Variants in C11orf65 observed in about 807,000 individuals in gnomAD.
C11orf65 encodes the protein chromosome 11 open reading frame 65.
A neutral mutation model predicts 35.3 loss-of-function variants in C11orf65; 38 were observed. The observed-to-expected ratio is 1.08, with a 90% confidence interval of 0.83 to 1.41. The LOEUF (loss-of-function observed/expected upper bound fraction) is 1.41. Ranked by LOEUF, C11orf65 falls within the 40% of genes most tolerant of loss-of-function variation. The pLI is 0.00. For missense variants in C11orf65, 370 were observed against 367.1 expected (o/e 1.01, Z -0.06); for synonymous variants, 105 against 114.4 (o/e 0.92, Z 0.53).
intron 2 of C11orf65, among the ~76,000 whole-genome samples, chr11:108,446,900 G>C (rs944484251): frequency 1.3e-5 from 2 of 152,116 alleles, no homozygotes; most frequent in African/African-American, 4.8e-5. Context: ...CTCATGTGCA[G>C]AGACACACAT....
intron 6 of C11orf65, chr11:108,312,570 G>A (rs2084268901): frequency 2.8e-6 from 3 of 1,066,532 alleles, no homozygotes; most frequent in Admixed American, 1.9e-5. Context: ...TATAGACACT[G>A]TACAGATGCC....
intron 2 of C11orf65, chr11:108,354,765 C>A (rs2089677490): frequency 6.7e-7 from 1 of 1,493,296 alleles, no homozygotes; most frequent in Non-Finnish European, 9.3e-7. Context: ...ACGTTGACAA[C>A]ATTGGTGTGT....
At chr11:108,344,593 A>C (rs1369010996) in intron 2 of C11orf65, among the ~76,000 whole-genome samples, 1 of 152,274 alleles carries the variant, frequency 6.6e-6, no homozygotes, top group South Asian at 2.1e-4. Context: ...TTGAGAATGC[A>C]AACTGGAGGC....
intron 3 of C11orf65, chr11:108,331,676 TGTC>T: frequency 7.3e-7 from 1 of 1,376,140 alleles, no homozygotes; most frequent in South Asian, 1.5e-5. Flanking sequence ...TTGTATTTTT[TGTC>T]TTCTCACATC....
downstream of C11orf65, chr11:108,327,393 C>G (rs534110415): frequency 2.3e-6 from 1 of 429,370 alleles, no homozygotes; most frequent in Non-Finnish European, 4.3e-6. Context: ...TACAAAGTGT[C>G]TGACATATAT....
At chr11:108,468,072 T>TC (rs545018103), upstream of C11orf65, among the ~76,000 whole-genome samples, 155 of 151,980 alleles carry the variant, frequency 1.0e-3, no homozygotes, top group African/African-American at 3.3e-3. Flanking sequence ...GCTCCAGCGA[T>TC]CCCCCCCTAC....
intron 1 of C11orf65, among the ~76,000 whole-genome samples, chr11:108,461,913 G>A (rs956989931): frequency 3.3e-5 from 5 of 151,730 alleles, no homozygotes; most frequent in African/African-American, 9.7e-5. Flanking sequence ...GAGCCACCGC[G>A]CCCAGCCTAA....
intron 2 of C11orf65, among the ~76,000 whole-genome samples, chr11:108,353,091 ATCTTT>A (rs1203603632): frequency 6.6e-6 from 1 of 152,174 alleles, no homozygotes; most frequent in African/African-American, 2.4e-5. Flanking sequence ...ATAAGGGATG[ATCTTT>A]TCTGTATGAT....
At chr11:108,413,813 T>C (rs940076542) in intron 3 of C11orf65, among the ~76,000 whole-genome samples, 2 of 152,040 alleles carry the variant, frequency 1.3e-5, no homozygotes, top group African/African-American at 4.8e-5. Context: ...CACTTCTAAA[T>C]AACAAGTAGG....
At chr11:108,443,020 T>C (rs1345801571) in intron 2 of C11orf65, among the ~76,000 whole-genome samples, 1 of 152,172 alleles carries the variant, frequency 6.6e-6, no homozygotes, top group Non-Finnish European at 1.5e-5. Context: ...AGACACAGAC[T>C]GGCAAATTGG....
downstream of C11orf65, among the ~76,000 whole-genome samples, chr11:108,382,083 C>T (rs966094721): frequency 1.3e-5 from 2 of 152,180 alleles, no homozygotes; most frequent in Admixed American, 6.6e-5. Flanking sequence ...GATTCTCCAA[C>T]CCAGTCAAGC....
intron 6 of C11orf65, among the ~76,000 whole-genome samples, chr11:108,313,769 C>T (rs1455265630): frequency 6.6e-6 from 1 of 152,120 alleles, no homozygotes; most frequent in Non-Finnish European, 1.5e-5. Flanking sequence ...AGAATTATGC[C>T]AATATAAATG....
Position 108,406,927 on chromosome 11 carries a change from TA to T in C11orf65, c.264del (p.Phe88LeufsTer45), listed in dbSNP as rs1365555965. On this transcript the variant is annotated frameshift_variant, in exon 5 of 9. Coordinates refer to ENST00000393084, the MANE Select transcript of C11orf65 (RefSeq NM_152587.5). LOFTEE classifies it high-confidence loss of function. Reference sequence around the variant, plus strand: ...CAGAGATCTTCAATAGGTCTGTGAGTAAAAATCTTATAGTATATATCAGGTG... The same window carrying T: ...CAGAGATCTTCAATAGGTCTGTGAGTAAAATCTTATAGTATATATCAGGTG... ...KFPPDIYYKI[F>X]THRPIEDLCA... 2.5e-6 allele frequency: 4 copies of T among 1,612,264 alleles called. No homozygotes were observed. In the Admixed American group the frequency reaches 5.0e-5, roughly 20 times the overall value.
chr11:108,408,716 A>ATAAAATAAAATAAG (rs1565660109), intron 3 of C11orf65, among the ~76,000 whole-genome samples: 1 of 134,928 alleles, frequency 7.4e-6, no homozygotes, highest in African/African-American at 3.0e-5. Flanking sequence ...AATAAAATAA[A>ATAAAATAAAATAAG]ATAAAATAAA....
chr11:108,383,538 A>G (rs2091912517), intron 8 of C11orf65, among the ~76,000 whole-genome samples: 2 of 152,244 alleles, frequency 1.3e-5, no homozygotes, highest in Admixed American at 6.5e-5. Context: ...CAGTGCATGT[A>G]AAGAACTTAG....
In C11orf65 at chr11:108,368,530, C is replaced by G. The variant is rs145076930; in HGVS notation, c.226+24678G>C. On this transcript the variant is annotated intron_variant, in intron 2 of 3. Transcript: ENST00000524755. ...TCAGAATTTGGAGAAATAAGTTGTC[C>G]AAGGCAAGAAGATAGTAAATTATAA... is the stretch of plus-strand genomic sequence containing the variant. 4.3e-4 allele frequency: 94 copies of G among 216,840 alleles called. No homozygotes were observed. Among genetic ancestry groups the G allele is most frequent in the Non-Finnish European group, 7.0e-4 (76 of 107,982 alleles). 13.4% of individuals were successfully genotyped at this position (216,840 alleles called of 1,614,324 possible).
intron 7 of C11orf65, among the ~76,000 whole-genome samples, chr11:108,389,535 A>G (rs1178742948): frequency 6.6e-6 from 1 of 152,238 alleles, no homozygotes; most frequent in East Asian, 1.9e-4. Flanking sequence ...GAAATTATAC[A>G]TAACTTGGAA....
chr11:108,465,583 A>G (rs1277894643), intron 1 of C11orf65, among the ~76,000 whole-genome samples: 2 of 152,146 alleles, frequency 1.3e-5, no homozygotes, highest in African/African-American at 2.4e-5. Flanking sequence ...TGGGTTGAGG[A>G]AGTGGGAAAG....
At chr11:108,452,222 T>A (rs1445260476) in intron 2 of C11orf65, among the ~76,000 whole-genome samples, 1 of 152,046 alleles carries the variant, frequency 6.6e-6, no homozygotes, top group East Asian at 1.9e-4. Context: ...ACAGGCAACC[T>A]ACAGAATGGG....
Sources: gnomAD v4.1 joint callset for allele counts (sites outside exome capture counted in the v4.1 genomes callset) on GRCh38, gnomAD v4.1.1 for gene constraint, MANE v1.5 for transcripts, NCBI Gene and HGNC (gene_info 2026-07-23, HGNC 2026-07-21) for gene names.